The following ZNF254 variants were observed in gnomAD, a reference collection of about 807,000 sequenced individuals.
ZNF254 encodes zinc finger protein 254.
ZNF254 carries 10 observed loss-of-function variants against 12.4 expected under a neutral mutation model. The observed-to-expected ratio is 0.80, with a 90% CI of 0.50 to 1.36. ZNF254 has a LOEUF of 1.36. Among genes scored for constraint, ZNF254 ranks in the 40% most tolerant of loss-of-function variants. The pLI is 0.00. For missense variants in ZNF254, 996 were observed against 763.9 expected (o/e 1.30, Z -3.58); for synonymous variants, 305 against 253.4 (o/e 1.20, Z -1.93).
At chr19:24,069,535 G>GCCA (rs1203894420) in intron 2 of ZNF254, among the ~76,000 whole-genome samples, 1 of 147,780 alleles carries the variant, frequency 6.8e-6, no homozygotes, top group Admixed American at 6.8e-5. Context: ...AACCCAGGAG[G>GCCA]CAGAGGTTGC....
chr19:24,088,919 A>G (rs1205467588), intron 1 of ZNF254, among the ~76,000 whole-genome samples: 3 of 150,216 alleles, frequency 2.0e-5, no homozygotes, highest in African/African-American at 4.9e-5. Context: ...AGCCTCCCCA[A>G]GAGCTGGTAT....
At chr19:24,087,865 C>T (rs1972121854) in intron 1 of ZNF254, among the ~76,000 whole-genome samples, 1 of 150,946 alleles carries the variant, frequency 6.6e-6, no homozygotes, top group Non-Finnish European at 1.5e-5. Context: ...ATAAAGAAAA[C>T]CAAATTCAAT....
intron 1 of ZNF254, among the ~76,000 whole-genome samples, chr19:24,101,683 C>T (rs563218159): frequency 6.6e-6 from 1 of 152,204 alleles, no homozygotes; most frequent in South Asian, 2.1e-4. Context: ...AGGGTACTTC[C>T]ATTTTCTATT....
intron 2 of ZNF254, among the ~76,000 whole-genome samples, chr19:24,050,781 T>A (rs1970616834): frequency 6.6e-6 from 1 of 152,138 alleles, no homozygotes; most frequent in South Asian, 2.1e-4. Context: ...AAGACAGAGT[T>A]TTGCTCTTGT....
chr19:24,072,673 T>G (rs781197403), intron 2 of ZNF254, among the ~76,000 whole-genome samples: 1 of 152,226 alleles, frequency 6.6e-6, no homozygotes, highest in African/African-American at 2.4e-5. Flanking sequence ...ACCTCTGGGT[T>G]CAGCAACCAG....
chr19:24,091,580 A>T (rs1034988613), intron 1 of ZNF254, among the ~76,000 whole-genome samples: 1 of 151,620 alleles, frequency 6.6e-6, no homozygotes, highest in East Asian at 2.0e-4. Context: ...GCAACCTCCA[A>T]TTCCCAGGTT....
chr19:24,126,271 G>T lies in ZNF254; in HGVS notation c.271G>T (p.Ala91Ser). 2.0e-6 allele frequency: 3 copies of T among 1,491,444 alleles called. No homozygotes were observed. Among genetic ancestry groups the T allele is most frequent in the South Asian group, 1.5e-5 (1 of 66,226 alleles). 92.4% of individuals were successfully genotyped at this position (1,491,444 alleles called of 1,614,324 possible). The change falls in exon 4 of 4, where the codon GCT becomes TCT. Residue 91 changes from alanine to serine, a missense_variant. Physicochemically the swap from Ala to Ser is moderately conservative, Grantham distance 99. Coordinates refer to ENST00000357002, the MANE Select transcript of ZNF254 (RefSeq NM_203282.4). The part of the protein sequence containing the change: ...DEPPGMCPHF[A>S]QDLWPEQGME... Reference sequence around the variant, plus strand: ...TTTTTCAGGTATGTGTCCTCATTTTGCTCAAGACCTTTGGCCAGAGCAGGG... The same window carrying T: ...TTTTTCAGGTATGTGTCCTCATTTTTCTCAAGACCTTTGGCCAGAGCAGGG...
chr19:24,123,564 T>TTA (rs1974629008), intron 3 of ZNF254, among the ~76,000 whole-genome samples: 1 of 152,120 alleles, frequency 6.6e-6, no homozygotes, highest in South Asian at 2.1e-4. Context: ...AATATTTGCT[T>TTA]TATATATTTG....
intron 1 of ZNF254, among the ~76,000 whole-genome samples, chr19:24,035,243 A>G (rs761140773): frequency 6.6e-5 from 10 of 152,082 alleles, no homozygotes; most frequent in Non-Finnish European, 1.3e-4. Flanking sequence ...CGCTCACTGC[A>G]GCCTCCGCCT....
At chr19:24,048,003 CTTTTTT>C (rs398034320) in intron 2 of ZNF254, among the ~76,000 whole-genome samples, 19 of 68,818 alleles carry the variant, frequency 2.8e-4, no homozygotes, top group Non-Finnish European at 4.0e-4. Context: ...TTCTTTTCTT[CTTTTTT>C]TTTTTTTTTT....
At chr19:24,121,047 G>A (rs1041547951) in intron 3 of ZNF254, among the ~76,000 whole-genome samples, 2 of 151,106 alleles carry the variant, frequency 1.3e-5, no homozygotes, top group Non-Finnish European at 3.0e-5. Flanking sequence ...CCATCATGTA[G>A]CATTTTTTTG....
At chr19:24,059,495 C>A (rs1469888390) in intron 2 of ZNF254, among the ~76,000 whole-genome samples, 1 of 152,166 alleles carries the variant, frequency 6.6e-6, no homozygotes. Flanking sequence ...TGACATATTG[C>A]TAGACTGAGA....
intron 3 of ZNF254, among the ~76,000 whole-genome samples, chr19:24,114,472 C>T (rs1319237171): frequency 2.7e-4 from 35 of 128,126 alleles, no homozygotes; most frequent in African/African-American, 6.4e-4. Context: ...ACTGGCTAGC[C>T]GTATGTAGAA....
In ZNF254 at chr19:24,128,538, C is replaced by T. The variant is rs1181441680; in HGVS notation, c.*558C>T. 6.6e-6 allele frequency: 1 copy of T among 151,998 alleles called. No individual in the cohort carries two copies. Among genetic ancestry groups the T allele is most frequent in the African/African-American group, 2.4e-5 (1 of 41,398 alleles). The allele number at this position is 151,998 out of a possible 1,614,324, so 9.4% of individuals were successfully genotyped here. ...TTTATACTAGAGAAAAACCCTCAGG[C>T]AGTTGTTAAAATTTTGTTGAACATC... is the stretch of plus-strand genomic sequence containing the variant. On this transcript the variant is annotated 3_prime_UTR_variant, in exon 4 of 4. Transcript: ENST00000357002.
At chr19:24,068,621 G>A (rs571871382) in intron 2 of ZNF254, among the ~76,000 whole-genome samples, 2 of 152,164 alleles carry the variant, frequency 1.3e-5, no homozygotes, top group South Asian at 2.1e-4. Flanking sequence ...CATCTTATAG[G>A]ATTAGATTTT....
intron 3 of ZNF254, among the ~76,000 whole-genome samples, chr19:24,120,653 CTTTG>C (rs1272578639): frequency 6.7e-6 from 1 of 149,134 alleles, no homozygotes; most frequent in African/African-American, 2.6e-5. Flanking sequence ...TTTAGCATTT[CTTTG>C]TTGTTGTTGT....
chr19:24,072,485 C>CTTTCAA (rs936196944), intron 2 of ZNF254, among the ~76,000 whole-genome samples: 143 of 152,270 alleles, frequency 9.4e-4, no homozygotes, highest in African/African-American at 3.3e-3. Context: ...TTACCCTCCT[C>CTTTCAA]ATCAGCCCTG....
chr19:24,052,314 A>C (rs968458614), intron 2 of ZNF254, among the ~76,000 whole-genome samples: 2 of 152,104 alleles, frequency 1.3e-5, no homozygotes, highest in Non-Finnish European at 1.5e-5. Flanking sequence ...TCTTTCCATC[A>C]CTTAGGTGAT....
At chr19:24,041,237 C>G (rs1970141703) in intron 1 of ZNF254, among the ~76,000 whole-genome samples, 1 of 152,262 alleles carries the variant, frequency 6.6e-6, no homozygotes, top group African/African-American at 2.4e-5. Context: ...CTTCAGGCCC[C>G]CCACTGCACT....
Sources: gnomAD v4.1 joint callset for allele counts (sites outside exome capture counted in the v4.1 genomes callset) on GRCh38, gnomAD v4.1.1 for gene constraint, MANE v1.5 for transcripts, NCBI Gene and HGNC (gene_info 2026-07-23, HGNC 2026-07-21) for gene names.